Variants in RXRA observed in about 807,000 individuals in gnomAD.
RXRA encodes the protein retinoid X receptor alpha.
Under a neutral mutation model 44.5 loss-of-function variants are expected in RXRA, and 5 were observed. That is an observed-to-expected ratio of 0.11 (90% CI 0.06 to 0.24). The LOEUF (loss-of-function observed/expected upper bound fraction) is 0.24, where lower values mean the gene tolerates loss of function less well. RXRA is among the 10% of genes least tolerant of loss of function. The pLI is 1.00. For synonymous variants in RXRA, 291 were observed against 271.4 expected, an observed-to-expected ratio of 1.07 and a Z score of -0.71; for missense variants, 412 against 646.5, an observed-to-expected ratio of 0.64 and a Z score of 3.93.
intron 1 of RXRA, among the ~76,000 whole-genome samples, chr9:134,396,069 A>G (rs1341385630): frequency 6.6e-6 from 1 of 152,216 alleles, no homozygotes; most frequent in Non-Finnish European, 1.5e-5. Flanking sequence ...CCCATCTTCA[A>G]CAACCTCTGC....
intron 1 of RXRA, among the ~76,000 whole-genome samples, chr9:134,362,261 T>C (rs1444680807): frequency 2.6e-5 from 4 of 152,124 alleles, no homozygotes; most frequent in African/African-American, 9.7e-5. Context: ...CTGGGGTAGC[T>C]CCCAGCAAGC....
At chr9:134,391,105 C>G (rs527430977) in intron 1 of RXRA, among the ~76,000 whole-genome samples, 11 of 152,146 alleles carry the variant, frequency 7.2e-5, no homozygotes, top group African/African-American at 2.2e-4. Flanking sequence ...CTCAGCGGGC[C>G]GTGGGAAGAC....
chr9:134,382,693 C>A (rs1243690167), intron 1 of RXRA, among the ~76,000 whole-genome samples: 1 of 151,904 alleles, frequency 6.6e-6, no homozygotes, highest in Non-Finnish European at 1.5e-5. Flanking sequence ...CCTGAGTGGG[C>A]AGTATGAGGG....
chr9:134,356,334 G>A (rs1830282952), intron 1 of RXRA, among the ~76,000 whole-genome samples: 1 of 152,164 alleles, frequency 6.6e-6, no homozygotes, highest in East Asian at 1.9e-4. Context: ...AAAAAGCGGG[G>A]AAGAGTTTCT....
chr9:134,421,757 C>A lies in RXRA; in HGVS notation c.862C>A (p.His288Asn). 1 of 1,606,736 alleles carries A rather than the reference C, an allele frequency of 6.2e-7. No individual in the cohort carries two copies. Among genetic ancestry groups the A allele is most frequent in the Non-Finnish European group, 8.5e-7 (1 of 1,174,450 alleles). ...TLVEWAKRIP[H>N]FSELPLDDQV... ...GGTGGAGTGGGCCAAGCGGATCCCA[C>A]ACTTCTCAGAGCTGCCCCTGGACGA... Residue 288 changes from histidine (H) to asparagine (N), a missense_variant, in exon 6 of 10, where the codon CAC becomes AAC. His to Asn is a moderately conservative substitution (Grantham distance 68, BLOSUM62 1). This residue lies in a region of RXRA where 141 missense variants were observed against 270.8 expected (regional missense o/e 0.52). Transcript: ENST00000481739.
chr9:134,351,535 C>T (rs1426693649), intron 1 of RXRA, among the ~76,000 whole-genome samples: 2 of 152,242 alleles, frequency 1.3e-5, no homozygotes, highest in African/African-American at 4.8e-5. Context: ...GCAATCCCTT[C>T]CCTGGCCTGT....
chr9:134,425,653 C>T (rs1048958497), intron 6 of RXRA: 2 of 984,796 alleles, frequency 2.0e-6, no homozygotes, highest in East Asian at 1.1e-4. Flanking sequence ...GGCCCAAGGT[C>T]CCCCTGTGGG....
intron 6 of RXRA, among the ~76,000 whole-genome samples, chr9:134,428,600 G>A (rs1206391059): frequency 1.3e-5 from 2 of 151,988 alleles, no homozygotes; most frequent in Non-Finnish European, 2.9e-5. Flanking sequence ...TTGAGGGGCT[G>A]CTGTTACCTA....
chr9:134,359,342 C>G (rs775037539), intron 1 of RXRA, among the ~76,000 whole-genome samples: 2 of 152,072 alleles, frequency 1.3e-5, no homozygotes, highest in Non-Finnish European at 2.9e-5. Context: ...TTGGAGGCCC[C>G]GGAGATAATT....
chr9:134,427,314 G>GGTTTA, intron 6 of RXRA: 1 of 304,332 alleles, frequency 3.3e-6, no homozygotes, highest in Non-Finnish European at 4.8e-6. Context: ...CCGCCCCGGG[G>GGTTTA]GACCCCACTC....
At chr9:134,389,260 GTTCC>G (rs1201173198) in intron 1 of RXRA, among the ~76,000 whole-genome samples, 1 of 152,204 alleles carries the variant, frequency 6.6e-6, no homozygotes, top group Non-Finnish European at 1.5e-5. Flanking sequence ...GTTTTGCTGG[GTTCC>G]CTGCACACGT....
chr9:134,412,373 A>G (rs1313123038), intron 4 of RXRA, among the ~76,000 whole-genome samples: 1 of 152,202 alleles, frequency 6.6e-6, no homozygotes, highest in East Asian at 1.9e-4. Flanking sequence ...GAGGCGTCGC[A>G]TCCCAGTGCA....
rs1831539577 is a variant in RXRA at position 134,431,977 on chromosome 9, C to T, written c.1116C>T (p.Ala372=). 6.2e-7 allele frequency: 1 copy of T among 1,613,906 alleles called. No individual in the cohort carries two copies. Among genetic ancestry groups the T allele is most frequent in the South Asian group, 1.1e-5 (1 of 91,084 alleles). The part of the protein sequence containing the change: ...MDKTELGCLR[A]IVLFNPDSKG... ...AGACGGAGCTGGGCTGCCTGCGCGC[C>T]ATCGTCCTCTTTAACCCTGGTATGG... The change falls in exon 8 of 10, where the codon GCC becomes GCT. Residue 372 remains alanine (A), a synonymous_variant. Transcript: ENST00000481739.
intron 1 of RXRA, among the ~76,000 whole-genome samples, chr9:134,338,173 A>G (rs881656): frequency 0.38 from 57,216 of 151,772 alleles, 11,982 homozygotes; most frequent in African/African-American, 0.57. Flanking sequence ...GAAGACAAGC[A>G]TGTGGTTCTG....
At chr9:134,383,309 G>A (rs1564279216) in intron 1 of RXRA, among the ~76,000 whole-genome samples, 1 of 152,192 alleles carries the variant, frequency 6.6e-6, no homozygotes, top group Non-Finnish European at 1.5e-5. Flanking sequence ...GCCTGAGTGG[G>A]TGTGGCGGGC....
At chr9:134,420,869 C>A (rs1052469383) in intron 5 of RXRA, among the ~76,000 whole-genome samples, 2 of 152,204 alleles carry the variant, frequency 1.3e-5, no homozygotes, top group African/African-American at 4.8e-5. Context: ...ACTGAATGGC[C>A]CCCTTCCGGC....
chr9:134,377,911 C>T (rs1830582679), intron 1 of RXRA, among the ~76,000 whole-genome samples: 1 of 152,244 alleles, frequency 6.6e-6, no homozygotes, highest in Admixed American at 6.5e-5. Context: ...CCCTCCTGCT[C>T]TGCCCCCCTT....
At chr9:134,435,257 G>C (rs1831599363) in intron 9 of RXRA, among the ~76,000 whole-genome samples, 1 of 152,218 alleles carries the variant, frequency 6.6e-6, no homozygotes, top group East Asian at 1.9e-4. Flanking sequence ...GTGCACAGGG[G>C]CCCTGGGCAG....
In RXRA at chr9:134,354,398, A is replaced by T. The variant is rs561673497; in HGVS notation, c.28+27739A>T. Among the ~76,000 whole-genome samples, 238 of 152,152 alleles carry T rather than the reference A, an allele frequency of 1.6e-3. 3 individuals carry two copies. Among genetic ancestry groups the T allele is most frequent in the Middle Eastern group, 0.01 (3 of 294 alleles). On this transcript the variant is annotated intron_variant, in intron 1 of 9. Transcript: ENST00000481739. ...CTCCTTGGACAGTGTTGGCGTGAGG[A>T]GGTGGTCGGTGCGTGTGTGGTGGTG... is the stretch of plus-strand genomic sequence containing the variant.
Sources: gnomAD v4.1 joint callset for allele counts (sites outside exome capture counted in the v4.1 genomes callset) on GRCh38, gnomAD v4.1.1 for gene constraint, gnomAD v4.1.1 regional missense constraint, MANE v1.5 for transcripts, NCBI Gene and HGNC (gene_info 2026-07-23, HGNC 2026-07-21) for gene names.